The following DPYSL3 variants were observed in gnomAD, a reference collection of about 807,000 sequenced individuals.
DPYSL3 encodes dihydropyrimidinase-related protein 3.
DPYSL3 carries 16 observed loss-of-function variants against 66.1 expected under a neutral mutation model. The observed-to-expected ratio is 0.24, with a 90% CI of 0.16 to 0.37. DPYSL3 has a LOEUF of 0.37. DPYSL3 is among the 10% of genes least tolerant of loss of function. The pLI, the probability that DPYSL3 is intolerant of heterozygous loss-of-function variation, is 1.00. For synonymous variants in DPYSL3, 338 were observed against 345.1 expected, an observed-to-expected ratio of 0.98 and a Z score of 0.23; for missense variants, 738 against 916.2, an observed-to-expected ratio of 0.81 and a Z score of 2.51.
chr5:147,415,479 C>G (rs1277167037), intron 4 of DPYSL3, among the ~76,000 whole-genome samples: 5 of 152,142 alleles, frequency 3.3e-5, no homozygotes, highest in Non-Finnish European at 7.4e-5. Flanking sequence ...GCTGCTTATT[C>G]TGAGCCTCAG....
intron 1 of DPYSL3, among the ~76,000 whole-genome samples, chr5:147,493,006 C>CA (rs1324069610): frequency 6.6e-6 from 1 of 152,110 alleles, no homozygotes; most frequent in Non-Finnish European, 1.5e-5. Flanking sequence ...AAAGAAATAC[C>CA]ATGCTAACAC....
At chr5:147,488,916 G>A (rs1753374812) in intron 1 of DPYSL3, among the ~76,000 whole-genome samples, 2 of 151,812 alleles carry the variant, frequency 1.3e-5, no homozygotes, top group Admixed American at 6.6e-5. Flanking sequence ...TCGGGAGGCT[G>A]AGGCAGGAGA....
At chr5:147,490,412 G>A (rs1254271472) in intron 1 of DPYSL3, among the ~76,000 whole-genome samples, 2 of 152,064 alleles carry the variant, frequency 1.3e-5, no homozygotes, top group African/African-American at 4.8e-5. Flanking sequence ...AAACATAAAT[G>A]TCCTATTAAA....
At chr5:147,458,435 T>C (rs1409604099) in intron 1 of DPYSL3, among the ~76,000 whole-genome samples, 1 of 152,194 alleles carries the variant, frequency 6.6e-6, no homozygotes, top group African/African-American at 2.4e-5. Flanking sequence ...TAGCATATCA[T>C]CAAGAAAGAA....
intron 13 of DPYSL3, 48 bp from the exon 14 acceptor site, chr5:147,394,171 G>A (rs375957017): frequency 4.2e-5 from 66 of 1,588,774 alleles, no homozygotes; most frequent in African/African-American, 4.0e-4. Context: ...ACAGAGTGGC[G>A]GGTAGGGGGA....
At chr5:147,498,984 G>A (rs1307217456) in intron 1 of DPYSL3, among the ~76,000 whole-genome samples, 1 of 152,134 alleles carries the variant, frequency 6.6e-6, no homozygotes, top group African/African-American at 2.4e-5. Context: ...TCTTCATTAT[G>A]AAATTTTTGC....
chr5:147,481,590 A>T (rs1753244709), intron 1 of DPYSL3, among the ~76,000 whole-genome samples: 1 of 152,220 alleles, frequency 6.6e-6, no homozygotes, highest in African/African-American at 2.4e-5. Context: ...GAAAGTATGT[A>T]TTGCAAACGT....
chr5:147,418,742 T>A, intron 2 of DPYSL3, 111 bp from the exon 3 acceptor site: 1 of 1,001,168 alleles, frequency 1.0e-6, no homozygotes, highest in Non-Finnish European at 1.4e-6. Flanking sequence ...CTTGTATTTA[T>A]CAAATTAAAC....
At position 147,467,160 on chromosome 5, in the gene DPYSL3, A is replaced by T. The variant is rs187699396; in HGVS notation, c.382-42197T>A. On this transcript the variant is annotated intron_variant, in intron 1 of 13. Coordinates refer to ENST00000343218, the MANE Select transcript of DPYSL3 (RefSeq NM_001197294.2). Reference sequence around the variant, plus strand: ...CATAAACATAAGAGGCAAAAAACAGAAATAGAGAAAGCTGTTAGATTTTCC... The same window carrying T: ...CATAAACATAAGAGGCAAAAAACAGTAATAGAGAAAGCTGTTAGATTTTCC... Among the ~76,000 whole-genome samples the T allele has an allele frequency of 2.6e-5, 4 of 152,298 alleles. No homozygotes were observed. In the East Asian group the frequency reaches 7.7e-4, roughly 29 times the overall value.
intron 1 of DPYSL3, among the ~76,000 whole-genome samples, chr5:147,506,905 T>C (rs768267256): frequency 6.6e-6 from 1 of 152,232 alleles, no homozygotes; most frequent in Non-Finnish European, 1.5e-5. Flanking sequence ...TACAGGATCA[T>C]GGCAAGATTG....
chr5:147,401,731 T>C (rs1561773089), intron 8 of DPYSL3, 35 bp from the exon 9 acceptor site: 1 of 1,612,984 alleles, frequency 6.2e-7, no homozygotes, highest in South Asian at 1.1e-5. Flanking sequence ...GGGGTTAGCA[T>C]AAAGTATATG....
In DPYSL3 at chr5:147,394,047, T is replaced by C. The variant is rs774822283; in HGVS notation, c.2043A>G (p.Thr681=). 1.9e-6 allele frequency: 3 copies of C among 1,614,004 alleles called. No individual in the cohort carries two copies. The highest frequency in any genetic ancestry group is 1.7e-6 in the Non-Finnish European group (2 of 1,179,980). ...GAGGAAGGCTTGCTTAACTCAGAGA[T>C]GTGATATTAGAACGGCCGCCTGGGG... The part of the protein sequence containing the change: ...VAPPGGRSNI[T]SLS Residue 681 remains threonine (T), a synonymous_variant, in exon 14 of 14, where the codon ACA becomes ACG. Coordinates refer to ENST00000343218, the MANE Select transcript of DPYSL3 (RefSeq NM_001197294.2).
At chr5:147,429,785 G>T (rs1253292865) in intron 1 of DPYSL3, among the ~76,000 whole-genome samples, 1 of 152,094 alleles carries the variant, frequency 6.6e-6, no homozygotes, top group East Asian at 1.9e-4. Flanking sequence ...CTTTCTGACA[G>T]GGCTCTCTTC....
chr5:147,395,114 G>A (rs1239720572), intron 13 of DPYSL3, among the ~76,000 whole-genome samples: 1 of 152,210 alleles, frequency 6.6e-6, no homozygotes. Flanking sequence ...TACTAGGAAT[G>A]GGAGAATATA....
rs191519914 is a variant in DPYSL3 at position 147,457,668 on chromosome 5, G to A, written c.382-32705C>T. On this transcript the variant is annotated intron_variant, in intron 1 of 13. Coordinates refer to ENST00000343218, the MANE Select transcript of DPYSL3 (RefSeq NM_001197294.2). ...AAGAAAGGCTCAGTAGAGTAGAATT[G>A]GTACCTGGGCACTGATTAGTTTTAT... 8.0e-4 allele frequency among the ~76,000 whole-genome samples: 122 copies of A among 152,324 alleles called. No individual in the cohort carries two copies. The Middle Eastern group carries it at 0.01, about 13-fold the overall frequency.
intron 1 of DPYSL3, among the ~76,000 whole-genome samples, chr5:147,426,156 G>A (rs73794719): frequency 0.057 from 8,730 of 152,082 alleles, 802 homozygotes; most frequent in African/African-American, 0.2. Context: ...ATTATATTAC[G>A]TGTCACAAAA....
chr5:147,413,567 C>T, intron 5 of DPYSL3, 29 bp downstream of exon 5: 1 of 1,589,660 alleles, frequency 6.3e-7, no homozygotes, highest in Non-Finnish European at 8.6e-7. Context: ...ATCCAGATAC[C>T]CCAAACCACA....
In DPYSL3 at chr5:147,510,039, C is replaced by CA; in HGVS notation, c.-182dup. On this transcript the variant is annotated 5_prime_UTR_variant, in exon 1 of 14. Coordinates refer to ENST00000343218, the MANE Select transcript of DPYSL3 (RefSeq NM_001197294.2). Reference sequence around the variant, plus strand: ...CTAGCGAGCCAGCGAGCCACACAGCCAGCTAGCGCGCGGAGCAGGGGCCCA... The same window carrying CA: ...CTAGCGAGCCAGCGAGCCACACAGCCAAGCTAGCGCGCGGAGCAGGGGCCCA... 9.3e-7 allele frequency: 1 copy of CA among 1,079,620 alleles called. No individual in the cohort carries two copies. The highest frequency in any genetic ancestry group is 1.3e-6 in the Non-Finnish European group (1 of 787,092). 66.9% of individuals were successfully genotyped at this position (1,079,620 alleles called of 1,614,324 possible). A position where few individuals can be genotyped will look rare whatever the true frequency, so the allele number is the denominator to read the frequency against.
chr5:147,450,640 A>G (rs1467298774), intron 1 of DPYSL3, among the ~76,000 whole-genome samples: 1 of 152,210 alleles, frequency 6.6e-6, no homozygotes, highest in Non-Finnish European at 1.5e-5. Context: ...CAGGAAACCA[A>G]TAAAACAAGG....
Sources: gnomAD v4.1 joint callset for allele counts (sites outside exome capture counted in the v4.1 genomes callset) on GRCh38, gnomAD v4.1.1 for gene constraint, MANE v1.5 for transcripts, NCBI Gene and HGNC (gene_info 2026-07-23, HGNC 2026-07-21) for gene names.